FYTTD1: variants seen among roughly 807,000 people sequenced by gnomAD.
FYTTD1 encodes the protein forty-two-three domain containing 1.
Under a neutral mutation model 40.9 loss-of-function variants are expected in FYTTD1, and 22 were observed. The observed-to-expected ratio is 0.54, with a 90% CI of 0.38 to 0.77. The LOEUF (loss-of-function observed/expected upper bound fraction) is 0.77, where lower values mean the gene tolerates loss of function less well. Ranked by LOEUF, FYTTD1 falls within the 30% of genes least tolerant of loss-of-function variation. The pLI, the probability that FYTTD1 is intolerant of heterozygous loss-of-function variation, is 0.00. For missense variants in FYTTD1, 351 were observed against 392.2 expected, an observed-to-expected ratio of 0.90 and a Z score of 0.89; for synonymous variants, 140 against 137.9, an observed-to-expected ratio of 1.01 and a Z score of -0.10.
intron 1 of FYTTD1, among the ~76,000 whole-genome samples, chr3:197,752,268 G>T (rs1729081729): frequency 6.6e-6 from 1 of 152,194 alleles, no homozygotes; most frequent in Non-Finnish European, 1.5e-5. Context: ...CTCCTTTCAG[G>T]TCCTGCCTCT....
chr3:197,774,116 C>G (rs1452802581), intron 5 of FYTTD1, 33 bp from the exon 6 acceptor site: 9 of 1,585,278 alleles, frequency 5.7e-6, no homozygotes, highest in Middle Eastern at 1.7e-4. Context: ...CCTCTGCTTT[C>G]TGTGGTACCT....
chr3:197,758,923 C>T (rs1413752450), intron 2 of FYTTD1, among the ~76,000 whole-genome samples: 6 of 152,214 alleles, frequency 3.9e-5, no homozygotes, highest in Non-Finnish European at 5.9e-5. Flanking sequence ...TGAATGAAAT[C>T]TTTAACTTCG....
At position 197,785,337 on chromosome 3, in the gene FYTTD1, G is replaced by T. The variant is rs1247564121; in HGVS notation, c.*3428G>T. 2 of 152,136 alleles carry T rather than the reference G, an allele frequency of 1.3e-5. No individual in the cohort carries two copies. The highest frequency in any genetic ancestry group is 1.5e-5 in the Non-Finnish European group (1 of 68,026). The allele number at this position is 152,136 out of a possible 1,614,324, so 9.4% of individuals were successfully genotyped here. On this transcript the variant is annotated 3_prime_UTR_variant, in exon 9 of 9. Coordinates refer to ENST00000241502, the MANE Select transcript of FYTTD1 (RefSeq NM_032288.7). ...TGTAAACGAAAAGTTGGCCCACTGT[G>T]TACATGGATTTTCCATTCCAAGATG...
At chr3:197,771,980 G>C (rs1560498644) in intron 4 of FYTTD1, among the ~76,000 whole-genome samples, 1 of 151,906 alleles carries the variant, frequency 6.6e-6, no homozygotes, top group Non-Finnish European at 1.5e-5. Context: ...TGTAGTTCCA[G>C]CTATTTGGGA....
At chr3:197,777,894 A>G (rs574560517) in intron 7 of FYTTD1, among the ~76,000 whole-genome samples, 1 of 151,656 alleles carries the variant, frequency 6.6e-6, no homozygotes, top group East Asian at 2.0e-4. Flanking sequence ...TTTTTTTTGT[A>G]CAGATGGGGG....
chr3:197,774,532 A>G (rs1292792372), intron 6 of FYTTD1, among the ~76,000 whole-genome samples: 1 of 151,234 alleles, frequency 6.6e-6, no homozygotes, highest in Non-Finnish European at 1.5e-5. Context: ...GCCACTGCAC[A>G]CCAGCCTGAG....
At chr3:197,773,271 A>G (rs947002211) in intron 4 of FYTTD1, 132 bp from the exon 5 acceptor site, 13 of 606,756 alleles carry the variant, frequency 2.1e-5, no homozygotes, top group African/African-American at 1.9e-4. Flanking sequence ...TTAATAAGCA[A>G]ATAATTCAGA....
intron 8 of FYTTD1, 28 bp from the exon 9 acceptor site, chr3:197,781,783 G>A: frequency 6.6e-7 from 1 of 1,524,306 alleles, no homozygotes; most frequent in Non-Finnish European, 9.0e-7. Flanking sequence ...TTGCTTTGTT[G>A]TTGTTTTTGT....
chr3:197,763,650 A>G, intron 2 of FYTTD1: 1 of 289,534 alleles, frequency 3.5e-6, no homozygotes, highest in Non-Finnish European at 6.9e-6. Flanking sequence ...TACTGAGACT[A>G]AAAAGTTTGA....
rs368988727 is a variant in FYTTD1 at position 197,778,395 on chromosome 3, G to A, written c.789G>A (p.Glu263=). ...TAVPSFLTKR[E]QSDVKKVPKG... is the part of the protein sequence containing the mutation. ...TACCTTCATTTTTAACAAAGCGGGA[G>A]CAAAGTGACGTCAAGAAAGTTCCTA... The change falls in exon 8 of 9, where the codon GAG becomes GAA. Residue 263 remains glutamate (E), a synonymous_variant. Coordinates refer to ENST00000241502, the MANE Select transcript of FYTTD1 (RefSeq NM_032288.7). 6.8e-6 allele frequency: 11 copies of A among 1,611,320 alleles called. No individual in the cohort carries two copies. In the African/African-American group the frequency reaches 1.1e-4, roughly 16 times the overall value.
intron 1 of FYTTD1, among the ~76,000 whole-genome samples, chr3:197,753,638 A>G (rs192459691): frequency 5.9e-4 from 89 of 151,924 alleles, no homozygotes; most frequent in African/African-American, 2.1e-3. Flanking sequence ...AGCTCATTTG[A>G]CTTATTTGAA....
chr3:197,776,682 T>C (rs1350626552), intron 6 of FYTTD1, among the ~76,000 whole-genome samples: 3 of 152,096 alleles, frequency 2.0e-5, no homozygotes, highest in Non-Finnish European at 4.4e-5. Flanking sequence ...GAAGTTCTTT[T>C]GTACTATTTG....
chr3:197,765,410 A>G (rs1036842427), intron 2 of FYTTD1, among the ~76,000 whole-genome samples: 1 of 152,208 alleles, frequency 6.6e-6, no homozygotes, highest in Non-Finnish European at 1.5e-5. Context: ...TGCCTAGCAC[A>G]GTGAAGGGTA....
intron 2 of FYTTD1, 87 bp downstream of exon 2, chr3:197,756,644 A>G: frequency 1.7e-6 from 2 of 1,184,756 alleles, no homozygotes; most frequent in Non-Finnish European, 2.5e-6. Context: ...ACGTGGAGGA[A>G]TGCGTCAGTA....
intron 2 of FYTTD1, among the ~76,000 whole-genome samples, chr3:197,766,460 T>TGTGTGTGTGTGTGTGTGTGTGTGTGTGTG (rs56732488): frequency 6.6e-6 from 1 of 150,740 alleles, no homozygotes; most frequent in East Asian, 2.0e-4. Context: ...TGTGTGTGTG[T>TGTGTGTGTGTGTGTGTGTGTGTGTGTGTG]TTGAGACAGG....
intron 2 of FYTTD1, among the ~76,000 whole-genome samples, chr3:197,763,881 A>G (rs1004418886): frequency 6.6e-6 from 1 of 152,240 alleles, no homozygotes; most frequent in Admixed American, 6.5e-5. Flanking sequence ...AGAAAGATGA[A>G]AATGTCTTTC....
chr3:197,776,681 T>C (rs1443324930), intron 6 of FYTTD1, among the ~76,000 whole-genome samples: 1 of 152,052 alleles, frequency 6.6e-6, no homozygotes, highest in Non-Finnish European at 1.5e-5. Flanking sequence ...AGAAGTTCTT[T>C]TGTACTATTT....
At chr3:197,774,037 C>T (rs941793029) in intron 5 of FYTTD1, 112 bp from the exon 6 acceptor site, 11 of 862,278 alleles carry the variant, frequency 1.3e-5, no homozygotes, top group African/African-American at 5.0e-5. Flanking sequence ...CAGGCACCTC[C>T]GCTGCACTCA....
At chr3:197,775,228 AT>A (rs1168302592) in intron 6 of FYTTD1, among the ~76,000 whole-genome samples, 3 of 152,232 alleles carry the variant, frequency 2.0e-5, no homozygotes, top group African/African-American at 4.8e-5. Context: ...TCTTAGCCCT[AT>A]AAAAAATCTT....
Sources: gnomAD v4.1 joint callset for allele counts (sites outside exome capture counted in the v4.1 genomes callset) on GRCh38, gnomAD v4.1.1 for gene constraint, MANE v1.5 for transcripts, NCBI Gene and HGNC (gene_info 2026-07-23, HGNC 2026-07-21) for gene names.